The following CTSD variants were observed in gnomAD, a reference collection of about 807,000 sequenced individuals.
CTSD encodes cathepsin D, also known as ceroid-lipofuscinosis, neuronal 10.
In CTSD, 28 loss-of-function variants were observed where a neutral mutation model predicts 43.6. That is an observed-to-expected ratio of 0.64 (90% CI 0.48 to 0.88). The LOEUF is 0.88. Ranked by LOEUF, CTSD falls within the 40% of genes least tolerant of loss-of-function variation. CTSD has a pLI of 0.00. For missense variants in CTSD, 485 were observed against 555.2 expected (o/e 0.87, Z 1.27); for synonymous variants, 270 against 249.8 (o/e 1.08, Z -0.76).
intron 6 of CTSD, 79 bp from the exon 7 acceptor site, chr11:1,754,217 C>T (rs773878052): frequency 1.3e-6 from 2 of 1,516,898 alleles, no homozygotes; most frequent in South Asian, 2.3e-5. Context: ...CTGGGAGCCC[C>T]TCCCCTGGCT....
In CTSD at chr11:1,753,032, G is replaced by A. The variant is rs534151813; in HGVS notation, c.*471C>T. ...ACGGGCCCGGGACACTGAACAGGTAGGGTGGCAGAGCCCAGCTGGGCCCAA... is the reference window on the plus strand; with the variant it reads ...ACGGGCCCGGGACACTGAACAGGTAAGGTGGCAGAGCCCAGCTGGGCCCAA... On this transcript the variant is annotated 3_prime_UTR_variant, in exon 9 of 9. Transcript: ENST00000236671. 45 of 284,856 alleles carry A rather than the reference G, an allele frequency of 1.6e-4. No individual in the cohort carries two copies. The highest frequency in any genetic ancestry group is 8.8e-4 in the African/African-American group (40 of 45,286). The allele number at this position is 284,856 out of a possible 1,614,324, so 17.6% of individuals were successfully genotyped here.
intron 6 of CTSD, among the ~76,000 whole-genome samples, chr11:1,754,589 TCA>T (rs1845785070): frequency 3.6e-5 from 2 of 55,408 alleles, no homozygotes; most frequent in Admixed American, 2.2e-4. Context: ...TCATGAAGAG[TCA>T]CAGAGGGATG....
At chr11:1,756,132 C>T (rs1845806668) in intron 5 of CTSD, among the ~76,000 whole-genome samples, 1 of 151,156 alleles carries the variant, frequency 6.6e-6, no homozygotes, top group South Asian at 2.1e-4. Context: ...CCCACATGGG[C>T]ACTCATGCTG....
At position 1,756,873 on chromosome 11, in the gene CTSD, C is replaced by T. The variant is rs573865086; in HGVS notation, c.704+451G>A. On this transcript the variant is annotated intron_variant, in intron 5 of 8. Coordinates refer to ENST00000236671, the MANE Select transcript of CTSD (RefSeq NM_001909.5). ...CGCAGCGTGGTGCCGGGGACCCATA[C>T]GCACCCAAGGTCACCTCCCCGGGGA... Among the ~76,000 whole-genome samples the T allele has an allele frequency of 1.2e-3, 176 of 152,324 alleles. 2 individuals are homozygous for T. The highest frequency in any genetic ancestry group is 3.9e-3 in the African/African-American group (163 of 41,584).
rs1845747994 is a variant in CTSD at position 1,753,175 on chromosome 11, C to T, written c.*328G>A. On this transcript the variant is annotated 3_prime_UTR_variant, in exon 9 of 9. Coordinates refer to ENST00000236671, the MANE Select transcript of CTSD (RefSeq NM_001909.5). ...CTGGTAGGGCCGGGGAGGGGACTCC[C>T]TGGAGATGAAGGGAGCCCCAGGATA... 7.4e-6 allele frequency: 3 copies of T among 405,130 alleles called. No homozygotes were observed. The highest frequency in any genetic ancestry group is 3.7e-5 in the Admixed American group (1 of 27,288). The allele number at this position is 405,130 out of a possible 1,614,324, so 25.1% of individuals were successfully genotyped here. A position where few individuals can be genotyped will look rare whatever the true frequency, so the allele number is the denominator to read the frequency against.
At position 1,753,787 on chromosome 11, in the gene CTSD, C is replaced by T; in HGVS notation, c.1071+16G>A. 6.2e-7 allele frequency: 1 copy of T among 1,612,822 alleles called. No homozygotes were observed. The highest frequency in any genetic ancestry group is 1.1e-5 in the South Asian group (1 of 91,062). On this transcript the variant is annotated intron_variant, in intron 8 of 8. Coordinates refer to ENST00000236671, the MANE Select transcript of CTSD (RefSeq NM_001909.5). ...CCCGCTCACCTGGGGCGTGCGGCAC[C>T]CCATTGCCCGCTCACCTTGAGCGTG...
At chr11:1,753,748 GCGCCCCCTCAC>G in intron 8 of CTSD, 44 bp downstream of exon 8, 1 of 1,608,970 alleles carries the variant, frequency 6.2e-7, no homozygotes, top group South Asian at 1.1e-5. Context: ...CCTGGAGCGT[GCGCCCCCTCAC>G]CGCCCGCTCA....
intron 4 of CTSD, chr11:1,757,975 C>T (rs372293707): frequency 7.4e-4 from 214 of 289,624 alleles, no homozygotes; most frequent in African/African-American, 4.3e-3. Context: ...AGCCATACTG[C>T]CCCCTTCCCC....
Position 1,759,654 on chromosome 11 carries a change from G to T in CTSD, c.229-15C>A. ...TAGTACTGGGCCTGGCAGGGGACAG[G>T]GTCCGTCAGGGATGGGAGAGGGGGC... is the stretch of plus-strand genomic sequence containing the variant. On this transcript the variant is annotated splice_polypyrimidine_tract_variant and intron_variant, in intron 2 of 8. Transcript: ENST00000236671. The T allele has an allele frequency of 6.2e-7, 1 of 1,608,498 alleles. No homozygotes were observed.
intron 8 of CTSD, 26 bp downstream of exon 8, chr11:1,753,777 C>A (rs371870828): frequency 6.2e-6 from 10 of 1,610,890 alleles, no homozygotes; most frequent in Non-Finnish European, 8.5e-6. Context: ...TCACCTGGGG[C>A]GTGCGGCACC....
intron 4 of CTSD, among the ~76,000 whole-genome samples, chr11:1,758,453 G>C (rs1054346141): frequency 3.9e-5 from 6 of 152,254 alleles, no homozygotes; most frequent in African/African-American, 1.4e-4. Context: ...GAGTTGCTCT[G>C]CACAGGGCCC....
rs1464267877 is a variant in CTSD, at chr11:1,753,878, C to A, written c.996G>T (p.Val332=). ...TCAGTGTGATCGCGGGCAGGGTGGA[C>A]ACCTTCTCACAGGGGATCATGTACT... is the stretch of plus-strand genomic sequence containing the variant. The part of the protein sequence containing the change: ...QGEYMIPCEK[V]STLPAITLKL... The change falls in exon 8 of 9, where the codon GTG becomes GTT. Residue 332 remains valine (V), a synonymous_variant. Coordinates refer to ENST00000236671, the MANE Select transcript of CTSD (RefSeq NM_001909.5). The A allele has an allele frequency of 6.2e-7, 1 of 1,613,418 alleles. No homozygotes were observed. Among genetic ancestry groups the A allele is most frequent in the African/African-American group, 1.3e-5 (1 of 74,898 alleles).
chr11:1,757,252 C>T, intron 5 of CTSD, 72 bp downstream of exon 5: 18 of 1,266,298 alleles, frequency 1.4e-5, no homozygotes, highest in Non-Finnish European at 1.7e-5. Context: ...AGAGGGGGTG[C>T]CTAGAAGGCT....
At chr11:1,759,476 G>A (rs779664731) in intron 3 of CTSD, 40 bp downstream of exon 3, 24 of 1,611,528 alleles carry the variant, frequency 1.5e-5, no homozygotes, top group East Asian at 4.5e-5. Context: ...CATCCCGGAA[G>A]GGCAGGACCT....
chr11:1,759,773 C>A, intron 2 of CTSD, 134 bp from the exon 3 acceptor site: 1 of 939,048 alleles, frequency 1.1e-6, no homozygotes, highest in Non-Finnish European at 1.6e-6. Context: ...CAGCTGCCAA[C>A]AGCCACCCAC....
chr11:1,762,200 G>GCC, intron 1 of CTSD: 1 of 153,428 alleles, frequency 6.5e-6, no homozygotes, highest in Non-Finnish European at 1.4e-5. Flanking sequence ...CTTCTGTGCT[G>GCC]CCCCCCCCAC....
chr11:1,753,378 T>C lies in CTSD; in HGVS notation c.*125A>G. The C allele has an allele frequency of 8.0e-7, 1 of 1,243,412 alleles. No homozygotes were observed. The allele number at this position is 1,243,412 out of a possible 1,614,324, so 77.0% of individuals were successfully genotyped here. A position where few individuals can be genotyped will look rare whatever the true frequency, so the allele number is the denominator to read the frequency against. ...GCAAGTCGGGCTTGGGCCGCCGGCT[T>C]CCAGGGCGCCCAGGACAGTGGGCGG... is the stretch of plus-strand genomic sequence containing the variant. On this transcript the variant is annotated 3_prime_UTR_variant, in exon 9 of 9. Coordinates refer to ENST00000236671, the MANE Select transcript of CTSD (RefSeq NM_001909.5).
chr11:1,763,805 A>G lies in CTSD; in HGVS notation c.55T>C (p.Ser19Pro), dbSNP rs1845913312. 6.6e-7 allele frequency: 1 copy of G among 1,526,296 alleles called. No homozygotes were observed. The highest frequency in any genetic ancestry group is 8.7e-7 in the Non-Finnish European group (1 of 1,142,936). 94.5% of individuals were successfully genotyped at this position (1,526,296 alleles called of 1,614,324 possible). Residue 19 changes from serine (S) to proline (P), a missense_variant, in exon 1 of 9, where the codon TCC (serine) becomes CCC (proline). By Grantham distance (74) the Ser-to-Pro change is moderately conservative. Coordinates refer to ENST00000236671, the MANE Select transcript of CTSD (RefSeq NM_001909.5). ...LALCLLAAPA[S>P]ALVRIPLHKF... The stretch of plus-strand genomic sequence containing the variant: ...CTGAGGCTTCACCTGACGAGCGCGG[A>G]GGCGGGTGCAGCCAGCAGGCAGAGG...
rs147641822 is a variant in CTSD at position 1,759,628 on chromosome 11, G to A, written c.240C>T (p.Tyr80=). 2.1e-4 allele frequency: 338 copies of A among 1,613,196 alleles called. No homozygotes were observed. The highest frequency in any genetic ancestry group is 2.5e-4 in the Non-Finnish European group (290 of 1,179,836). Residue 80 remains tyrosine, a synonymous_variant, in exon 3 of 9, where the codon TAC becomes TAT. Coordinates refer to ENST00000236671, the MANE Select transcript of CTSD (RefSeq NM_001909.5). ...GGGGCGTCCCGATGCCAATCTCCCC[G>A]TAGTACTGGGCCTGGCAGGGGACAG... is the stretch of plus-strand genomic sequence containing the variant. ...VLKNYMDAQY[Y]GEIGIGTPPQ... is the part of the protein sequence containing the mutation.
Sources: gnomAD v4.1 joint callset for allele counts (sites outside exome capture counted in the v4.1 genomes callset) on GRCh38, gnomAD v4.1.1 for gene constraint, MANE v1.5 for transcripts, NCBI Gene and HGNC (gene_info 2026-07-23, HGNC 2026-07-21) for gene names.